Variants in TAS2R1 observed in about 807,000 individuals in gnomAD.
TAS2R1 encodes taste 2 receptor member 1, also known as taste receptor type 2 member 1.
For missense variants in TAS2R1, 370 were observed against 353.4 expected, an observed-to-expected ratio of 1.05 and a Z score of -0.38; for synonymous variants, 141 against 134.2, an observed-to-expected ratio of 1.05 and a Z score of -0.35.
chr5:9,689,681 G>A (rs1741195987), intron 1 of TAS2R1, among the ~76,000 whole-genome samples: 1 of 151,864 alleles, frequency 6.6e-6, no homozygotes, highest in Admixed American at 6.6e-5. Flanking sequence ...GAATAAAGTT[G>A]TATACAGAAA....
At chr5:9,689,622 T>G (rs1741195533) in intron 1 of TAS2R1, among the ~76,000 whole-genome samples, 3 of 152,174 alleles carry the variant, frequency 2.0e-5, no homozygotes. Context: ...ATGTAATACA[T>G]TTTTCAGGCT....
chr5:9,885,651 A>C, the TAS2R1 span, among the ~76,000 whole-genome samples: 1 of 152,234 alleles, frequency 6.6e-6, no homozygotes, highest in Non-Finnish European at 1.5e-5. Context: ...CCATACCAGC[A>C]TCTAATTAAG....
the TAS2R1 span, among the ~76,000 whole-genome samples, chr5:9,810,491 G>A: frequency 6.6e-6 from 1 of 152,118 alleles, no homozygotes; most frequent in African/African-American, 2.4e-5. Context: ...TCATGGAAAG[G>A]CAAGCCACAC....
At chr5:9,652,476 TGAG>T (rs377595265) in intron 2 of TAS2R1, among the ~76,000 whole-genome samples, 14 of 152,226 alleles carry the variant, frequency 9.2e-5, no homozygotes, top group African/African-American at 2.9e-4. Flanking sequence ...CTTCACTGGC[TGAG>T]TAGAGAGGAT....
the TAS2R1 span, among the ~76,000 whole-genome samples, chr5:9,724,756 G>A: frequency 6.6e-6 from 1 of 152,172 alleles, no homozygotes; most frequent in Non-Finnish European, 1.5e-5. Context: ...TGGCTTCAGG[G>A]CATATTCATG....
chr5:9,788,376 G>A, the TAS2R1 span, among the ~76,000 whole-genome samples: 1 of 152,154 alleles, frequency 6.6e-6, no homozygotes, highest in Admixed American at 6.5e-5. Flanking sequence ...GGGGCTGCAC[G>A]GATGGTCTCT....
intron 2 of TAS2R1, among the ~76,000 whole-genome samples, chr5:9,648,202 T>C (rs1740234510): frequency 6.6e-6 from 1 of 152,162 alleles, no homozygotes; most frequent in Admixed American, 6.6e-5. Flanking sequence ...ATCTTAATTA[T>C]AGGGACTTGT....
At chr5:9,698,555 G>C (rs1276683997) in intron 1 of TAS2R1, among the ~76,000 whole-genome samples, 1 of 152,062 alleles carries the variant, frequency 6.6e-6, no homozygotes, top group Non-Finnish European at 1.5e-5. Context: ...TTTTCCCACT[G>C]ACTTTCACTC....
At chr5:9,752,009 G>A in the TAS2R1 span, among the ~76,000 whole-genome samples, 1 of 152,152 alleles carries the variant, frequency 6.6e-6, no homozygotes, top group Non-Finnish European at 1.5e-5. Flanking sequence ...AATCTGGGAA[G>A]GCTTAGGATG....
chr5:9,648,120 G>T (rs1364152050), intron 2 of TAS2R1, among the ~76,000 whole-genome samples: 1 of 152,148 alleles, frequency 6.6e-6, no homozygotes, highest in Non-Finnish European at 1.5e-5. Flanking sequence ...AATGGAGAAA[G>T]TAAGTGTGGC....
At chr5:9,862,045 C>T in the TAS2R1 span, among the ~76,000 whole-genome samples, 5 of 152,158 alleles carry the variant, frequency 3.3e-5, no homozygotes, top group African/African-American at 4.8e-5. Context: ...GCCAGTCCCC[C>T]GTGGTGTCTC....
chr5:9,748,900 G>C, the TAS2R1 span, among the ~76,000 whole-genome samples: 1 of 152,086 alleles, frequency 6.6e-6, no homozygotes, highest in Non-Finnish European at 1.5e-5. Flanking sequence ...CACTTCTGTA[G>C]CTTCTCAAGA....
chr5:9,638,372 A>G (rs1740004040), intron 2 of TAS2R1, among the ~76,000 whole-genome samples: 1 of 152,140 alleles, frequency 6.6e-6, no homozygotes, highest in Non-Finnish European at 1.5e-5. Flanking sequence ...TTGATTGTAG[A>G]TAGGTTTAGT....
the TAS2R1 span, among the ~76,000 whole-genome samples, chr5:9,769,150 CATAA>C: frequency 2.0e-5 from 3 of 152,176 alleles, no homozygotes; most frequent in Admixed American, 6.6e-5. Flanking sequence ...TTTTAGCTCT[CATAA>C]ATAAGTGAGA....
the TAS2R1 span, among the ~76,000 whole-genome samples, chr5:9,740,932 G>A: frequency 6.6e-6 from 1 of 152,150 alleles, no homozygotes; most frequent in Non-Finnish European, 1.5e-5. Flanking sequence ...TTCTTTTGAT[G>A]TGTCCTAGTG....
At chr5:9,895,189 G>A in the TAS2R1 span, among the ~76,000 whole-genome samples, 1 of 152,228 alleles carries the variant, frequency 6.6e-6, no homozygotes, top group Admixed American at 6.5e-5. Flanking sequence ...AAGGGATTAA[G>A]GCAGTATGGC....
At chr5:9,796,054 A>G in the TAS2R1 span, among the ~76,000 whole-genome samples, 3 of 152,228 alleles carry the variant, frequency 2.0e-5, no homozygotes, top group African/African-American at 7.2e-5. Flanking sequence ...GCAGGAGATG[A>G]CAGGGACCTC....
At chr5:9,695,590 G>C (rs1014562442) in intron 1 of TAS2R1, among the ~76,000 whole-genome samples, 1 of 152,134 alleles carries the variant, frequency 6.6e-6, no homozygotes, top group Non-Finnish European at 1.5e-5. Context: ...GGGTGCACTG[G>C]GGGTGGGAGT....
chr5:9,750,479 C>T, the TAS2R1 span, among the ~76,000 whole-genome samples: 302 of 152,264 alleles, frequency 2.0e-3, 3 homozygotes, highest in African/African-American at 6.9e-3. Context: ...AGTTACATTC[C>T]TTGCTTAACT....
Sources: gnomAD v4.1 joint callset for allele counts (sites outside exome capture counted in the v4.1 genomes callset) on GRCh38, gnomAD v4.1.1 for gene constraint, MANE v1.5 for transcripts, NCBI Gene and HGNC (gene_info 2026-07-23, HGNC 2026-07-21) for gene names.